Variants in PPP4R3A observed in about 807,000 individuals in gnomAD.
PPP4R3A encodes the protein serine/threonine-protein phosphatase 4 regulatory subunit 3A.
A neutral mutation model predicts 91.7 loss-of-function variants in PPP4R3A; 15 were observed. That is an observed-to-expected ratio of 0.16 (90% confidence interval 0.11 to 0.25). The LOEUF (loss-of-function observed/expected upper bound fraction) is 0.25, where lower values mean the gene tolerates loss of function less well. PPP4R3A is among the 10% of genes least tolerant of loss of function. PPP4R3A has a pLI of 1.00. For synonymous variants in PPP4R3A, 377 were observed against 348.7 expected (o/e 1.08, Z -0.91); for missense variants, 623 against 998.4 (o/e 0.62, Z 5.07).
chr14:91,494,227 T>C (rs1392018776), intron 1 of PPP4R3A, among the ~76,000 whole-genome samples: 1 of 152,204 alleles, frequency 6.6e-6, no homozygotes, highest in African/African-American at 2.4e-5. Flanking sequence ...GCAAGATCTC[T>C]AATGGCATAG....
intron 12 of PPP4R3A, 88 bp downstream of exon 12, chr14:91,462,647 G>A (rs1888231241): frequency 6.8e-7 from 1 of 1,466,028 alleles, no homozygotes; most frequent in Non-Finnish European, 9.5e-7. Context: ...CCTGTTCCTT[G>A]TCAAGCCAAA....
intron 14 of PPP4R3A, 152 bp from the exon 15 acceptor site, chr14:91,459,021 G>T: frequency 1.2e-6 from 1 of 836,414 alleles, no homozygotes; most frequent in Middle Eastern, 3.7e-4. Flanking sequence ...AATTCATTAT[G>T]TTTACATATT....
chr14:91,492,165 T>C (rs1195121524), intron 1 of PPP4R3A, among the ~76,000 whole-genome samples: 2 of 152,222 alleles, frequency 1.3e-5, no homozygotes, highest in African/African-American at 2.4e-5. Flanking sequence ...CTCTTATATA[T>C]TGTATGACTT....
At chr14:91,466,341 G>T in intron 10 of PPP4R3A, 1 of 985,778 alleles carries the variant, frequency 1.0e-6, no homozygotes, top group Non-Finnish European at 1.2e-6. Context: ...CATGGAAGTG[G>T]CTCGTTAAAT....
chr14:91,495,984 C>A (rs572699808), intron 1 of PPP4R3A, among the ~76,000 whole-genome samples: 1 of 152,112 alleles, frequency 6.6e-6, no homozygotes, highest in Non-Finnish European at 1.5e-5. Context: ...AATATTCATA[C>A]AATGGATACC....
At chr14:91,497,376 A>G (rs28457084) in intron 1 of PPP4R3A, among the ~76,000 whole-genome samples, 2,899 of 121,906 alleles carry the variant, frequency 0.024, 100 homozygotes, top group African/African-American at 0.079. Context: ...ACACACACAC[A>G]CACGATACCT....
chr14:91,460,462 C>T (rs1311450569), intron 14 of PPP4R3A, among the ~76,000 whole-genome samples: 5 of 151,938 alleles, frequency 3.3e-5, no homozygotes, highest in East Asian at 3.9e-4. Flanking sequence ...ATGGGCATTA[C>T]GTGTCTGATT....
chr14:91,471,490 T>G (rs914041896), intron 9 of PPP4R3A, among the ~76,000 whole-genome samples: 4 of 152,220 alleles, frequency 2.6e-5, no homozygotes, highest in African/African-American at 9.6e-5. Flanking sequence ...AATCATTGAC[T>G]TATCTTTACT....
Position 91,504,949 on chromosome 14 carries a change from G to C in PPP4R3A, c.142+4557C>G, listed in dbSNP as rs563683836. ...TATAGCTTCCCCGTCCACAAATATA[G>C]ACCCAATAATGAGAGAATTTTAAAA... On this transcript the variant is annotated intron_variant, in intron 1 of 14. Transcript: ENST00000554943. Among the ~76,000 whole-genome samples the C allele has an allele frequency of 9.1e-4, 139 of 152,240 alleles. No individual in the cohort carries two copies. In the South Asian group the frequency reaches 0.013, roughly 15 times the overall value.
At chr14:91,466,940 A>AACACAC (rs10525073) in intron 10 of PPP4R3A, among the ~76,000 whole-genome samples, 297 of 147,560 alleles carry the variant, frequency 2.0e-3, no homozygotes, top group African/African-American at 6.7e-3. Context: ...GTCCTACCAT[A>AACACAC]ACACACACAC....
intron 1 of PPP4R3A, among the ~76,000 whole-genome samples, chr14:91,507,552 GT>G (rs35328782): frequency 0.17 from 10,680 of 61,034 alleles, 1,053 homozygotes; most frequent in East Asian, 0.61. Flanking sequence ...ATTATATATA[GT>G]TATATATACT....
chr14:91,466,963 A>ACACACACACACACC (rs748633169), intron 10 of PPP4R3A, among the ~76,000 whole-genome samples: 32 of 150,188 alleles, frequency 2.1e-4, no homozygotes, highest in South Asian at 4.2e-4. Context: ...ACACACACAC[A>ACACACACACACACC]CCCCTCTTGT....
chr14:91,494,689 C>T (rs981576091), intron 1 of PPP4R3A, among the ~76,000 whole-genome samples: 5 of 152,046 alleles, frequency 3.3e-5, no homozygotes, highest in Admixed American at 2.0e-4. Context: ...ATGGTGAAAC[C>T]CCATCTCTAC....
At chr14:91,503,388 G>A (rs1166346851) in intron 1 of PPP4R3A, among the ~76,000 whole-genome samples, 2 of 152,026 alleles carry the variant, frequency 1.3e-5, no homozygotes, top group African/African-American at 4.8e-5. Context: ...CTGGGCTCAA[G>A]CAATCCTCCT....
chr14:91,485,611 T>C, intron 3 of PPP4R3A, 21 bp downstream of exon 3: 1 of 1,548,414 alleles, frequency 6.5e-7, no homozygotes, highest in Non-Finnish European at 8.8e-7. Context: ...AGCATGTTGA[T>C]TTTTTTATTT....
At chr14:91,506,429 T>C (rs1182314136) in intron 1 of PPP4R3A, among the ~76,000 whole-genome samples, 1 of 152,158 alleles carries the variant, frequency 6.6e-6, no homozygotes, top group African/African-American at 2.4e-5. Flanking sequence ...GTTTGGCACA[T>C]AGTAGGTAGT....
chr14:91,496,729 C>G (rs10144231), intron 1 of PPP4R3A, among the ~76,000 whole-genome samples: 132,572 of 152,174 alleles, frequency 0.87, 57,962 homozygotes, highest in East Asian at 0.96. Flanking sequence ...GTCCAGCTCT[C>G]ATCCCCAATA....
intron 12 of PPP4R3A, 115 bp from the exon 13 acceptor site, chr14:91,462,354 A>C: frequency 9.2e-7 from 1 of 1,084,236 alleles, no homozygotes; most frequent in Non-Finnish European, 1.2e-6. Context: ...ACAAATATTA[A>C]AGTATCAATG....
chr14:91,470,189 T>A (rs560363162), intron 10 of PPP4R3A, among the ~76,000 whole-genome samples: 7 of 152,296 alleles, frequency 4.6e-5, no homozygotes, highest in East Asian at 1.9e-4. Flanking sequence ...CACTTACATA[T>A]GGCAACTCAT....
Sources: gnomAD v4.1 joint callset for allele counts (sites outside exome capture counted in the v4.1 genomes callset) on GRCh38, gnomAD v4.1.1 for gene constraint, MANE v1.5 for transcripts, NCBI Gene and HGNC (gene_info 2026-07-23, HGNC 2026-07-21) for gene names.